PCLAF: variants seen among roughly 807,000 people sequenced by gnomAD.
PCLAF encodes the protein PCNA-associated factor.
In PCLAF, 12 loss-of-function variants were observed where a neutral mutation model predicts 15.1. That is an observed-to-expected ratio of 0.79 (90% CI 0.51 to 1.29). PCLAF has a LOEUF of 1.29. PCLAF is among the 50% of genes most tolerant of loss of function. PCLAF has a pLI of 0.00. For synonymous variants in PCLAF, 33 were observed against 47.1 expected (o/e 0.70, Z 1.22); for missense variants, 116 against 130.9 (o/e 0.89, Z 0.56).
rs1354523558 is a variant in PCLAF, at chr15:64,364,337, CA to C, written c.*1692del. 1 of 152,282 alleles carries C rather than the reference CA, an allele frequency of 6.6e-6. No homozygotes were observed. The highest frequency in any genetic ancestry group is 2.4e-5 in the African/African-American group (1 of 41,568). 9.4% of individuals were successfully genotyped at this position (152,282 alleles called of 1,614,324 possible). A position where few individuals can be genotyped will look rare whatever the true frequency, so the allele number is the denominator to read the frequency against. On this transcript the variant is annotated 3_prime_UTR_variant, in exon 4 of 4. Transcript: ENST00000300035. The stretch of plus-strand genomic sequence containing the variant: ...TGTAAAAATAAGTATGCATTTATTA[CA>C]AACGTATTTCAGAAAAATATGCCTA...
In PCLAF at chr15:64,365,600, T is replaced by C. The variant is rs181178434; in HGVS notation, c.*430A>G. 1.2e-4 allele frequency: 21 copies of C among 169,820 alleles called. No individual in the cohort carries two copies. The highest frequency in any genetic ancestry group is 3.9e-4 in the Admixed American group (6 of 15,542). 10.5% of individuals were successfully genotyped at this position (169,820 alleles called of 1,614,324 possible). A position where few individuals can be genotyped will look rare whatever the true frequency, so the allele number is the denominator to read the frequency against. On this transcript the variant is annotated 3_prime_UTR_variant, in exon 4 of 4. Coordinates refer to ENST00000300035, the MANE Select transcript of PCLAF (RefSeq NM_014736.6). ...AGAATAAGTAATGTTTAATTAATAC[T>C]GAATTTTTTAATGTGCAAAAATCTA...
Position 64,381,310 on chromosome 15 carries a change from C to T in PCLAF, c.46+16G>A. 1 of 1,614,146 alleles carries T rather than the reference C, an allele frequency of 6.2e-7. No homozygotes were observed. Among genetic ancestry groups the T allele is most frequent in the South Asian group, 1.1e-5 (1 of 91,086 alleles). On this transcript the variant is annotated intron_variant, in intron 1 of 3. Coordinates refer to ENST00000300035, the MANE Select transcript of PCLAF (RefSeq NM_014736.6). ...AGGACCCCCCCGCCCTCCAGTACCA[C>T]ACTCGATCGCCTCACCTTTTCTGTA...
At chr15:64,377,957 G>C (rs1373139863) in intron 2 of PCLAF, among the ~76,000 whole-genome samples, 1 of 148,758 alleles carries the variant, frequency 6.7e-6, no homozygotes, top group Admixed American at 6.8e-5. Flanking sequence ...GGGAGACAGA[G>C]TCTCACTCTG....
chr15:64,374,480 A>G (rs990728362), intron 3 of PCLAF, among the ~76,000 whole-genome samples: 1 of 151,920 alleles, frequency 6.6e-6, no homozygotes, highest in Non-Finnish European at 1.5e-5. Flanking sequence ...TGGAGGTTGC[A>G]GTGAGCCGAG....
chr15:64,373,665 G>A, intron 3 of PCLAF: 1 of 1,533,220 alleles, frequency 6.5e-7, no homozygotes, highest in Non-Finnish European at 8.7e-7. Flanking sequence ...AGAAGTAGCA[G>A]ACCCAGAATG....
chr15:64,382,161 C>T (rs1182435173), upstream of PCLAF, among the ~76,000 whole-genome samples: 1 of 152,088 alleles, frequency 6.6e-6, no homozygotes, highest in African/African-American at 2.4e-5. Context: ...GAGGCCGAGG[C>T]GGGCAGATCG....
At chr15:64,373,585 G>A (rs985511375) in intron 3 of PCLAF, 23 of 1,440,914 alleles carry the variant, frequency 1.6e-5, no homozygotes, top group African/African-American at 7.1e-5. Context: ...TTGTGGTTTC[G>A]GCTGCAGTAG....
chr15:64,382,832 A>G, upstream of PCLAF: 1 of 283,992 alleles, frequency 3.5e-6, no homozygotes, highest in Non-Finnish European at 6.9e-6. Context: ...ATAAAAATAA[A>G]AAATAAAAAA....
chr15:64,380,912 G>T, intron 2 of PCLAF, 46 bp downstream of exon 2: 1 of 1,510,736 alleles, frequency 6.6e-7, no homozygotes, highest in Non-Finnish European at 9.2e-7. Flanking sequence ...CCAGGGGCTT[G>T]CAGGTGCCAG....
chr15:64,366,558 C>A (rs1899040963), intron 3 of PCLAF, among the ~76,000 whole-genome samples: 1 of 152,120 alleles, frequency 6.6e-6, no homozygotes. Flanking sequence ...CCCAAATTGG[C>A]CAGACACAGT....
chr15:64,370,822 TAA>T (rs1596322095), intron 3 of PCLAF, among the ~76,000 whole-genome samples: 4 of 133,344 alleles, frequency 3.0e-5, no homozygotes, highest in Non-Finnish European at 6.2e-5. Context: ...CTCAGACTCA[TAA>T]AGTTGTTTTT....
At chr15:64,381,152 C>A (rs942871324) in intron 1 of PCLAF, 114 bp from the exon 2 acceptor site, 16 of 1,199,336 alleles carry the variant, frequency 1.3e-5, no homozygotes, top group South Asian at 5.1e-5. Context: ...AGCAGGATAA[C>A]CTTACCCTGC....
chr15:64,373,834 C>T (rs1424386723), intron 3 of PCLAF: 5 of 1,445,432 alleles, frequency 3.5e-6, no homozygotes, highest in Non-Finnish European at 4.7e-6. Context: ...ACATCACTCC[C>T]TTTCCTCCTA....
chr15:64,384,210 A>T (rs1899889991), upstream of PCLAF, among the ~76,000 whole-genome samples: 1 of 152,044 alleles, frequency 6.6e-6, no homozygotes, highest in South Asian at 2.1e-4. Flanking sequence ...TCTCAGCTCA[A>T]TGCAACCTCT....
At chr15:64,370,966 CTTTT>C (rs11299642) in intron 3 of PCLAF, among the ~76,000 whole-genome samples, 1 of 77,324 alleles carries the variant, frequency 1.3e-5, no homozygotes, top group African/African-American at 4.9e-5. Context: ...ATTTCATGTT[CTTTT>C]TTTTTTTTTT....
At chr15:64,382,423 AAAAAGAAAGAAAGAAAGAAAAG>A (rs1351880525), upstream of PCLAF, 2 of 159,352 alleles carry the variant, frequency 1.3e-5, no homozygotes, top group African/African-American at 2.4e-5. Flanking sequence ...CTCAAAAAAA[AAAAAGAAAGAAAGAAAGAAAAG>A]AAAAGAAAGA....
Position 64,367,520 on chromosome 15 carries a change from A to C in PCLAF, c.291-1445T>G, listed in dbSNP as rs149826438. ...CTCTGTCTCAAAAAAACCCAAAAAA[A>C]AAAACAAAAAACAAAGTCATTTTGT... On this transcript the variant is annotated intron_variant, in intron 3 of 3. Transcript: ENST00000300035. Among the ~76,000 whole-genome samples the C allele has an allele frequency of 1.1e-3, 173 of 151,768 alleles. 2 individuals are homozygous for C. Among genetic ancestry groups the C allele is most frequent in the African/African-American group, 3.9e-3 (162 of 41,352 alleles).
intron 1 of PCLAF, among the ~76,000 whole-genome samples, chr15:64,386,993 AT>A (rs1389704490): frequency 6.6e-6 from 1 of 152,116 alleles, no homozygotes; most frequent in Non-Finnish European, 1.5e-5. Flanking sequence ...AAATACTGTC[AT>A]TTTTGGTTGA....
chr15:64,383,844 C>T (rs903881002), upstream of PCLAF, among the ~76,000 whole-genome samples: 5 of 152,068 alleles, frequency 3.3e-5, no homozygotes, highest in African/African-American at 1.2e-4. Context: ...TATATTTCCA[C>T]CCGGGGCAGT....
Sources: allele counts gnomAD v4.1 joint callset (sites outside exome capture counted in the v4.1 genomes callset), GRCh38; gene constraint gnomAD v4.1.1; transcripts MANE v1.5; gene names NCBI Gene and HGNC (gene_info 2026-07-23, HGNC 2026-07-21).